The following BAZ2A variants were observed in gnomAD, a reference collection of about 807,000 sequenced individuals.
BAZ2A encodes bromodomain adjacent to zinc finger domain protein 2A.
A neutral mutation model predicts 199.9 loss-of-function variants in BAZ2A; 34 were observed. The ratio of observed to expected loss-of-function variants is 0.17; its 90% CI spans 0.13 to 0.23. The LOEUF is 0.23. Ranked by LOEUF, BAZ2A falls within the 10% of genes least tolerant of loss-of-function variation. The probability of loss-of-function intolerance (pLI) is 1.00; values close to 1 mark genes in which losing one functional copy is unlikely to be tolerated. For missense variants in BAZ2A, 2,002 were observed against 2,391.1 expected (o/e 0.84, Z 3.39); for synonymous variants, 857 against 883.9 (o/e 0.97, Z 0.54).
chr12:56,600,687 C>G lies in BAZ2A; in HGVS notation c.4596G>C (p.Gln1532His). Residue 1532 changes from glutamine (Q) to histidine (H), a missense_variant, in exon 23 of 29, where the codon CAG (glutamine) becomes CAC (histidine). Around this residue, in one of 6 missense-constraint regions of BAZ2A, gnomAD observed 1,081 missense variants for 1,274.7 expected, o/e 0.85. Transcript: ENST00000549884. ...AGTGCCAATCCCAGCATACCCGAATCTGCAGATCAGACATGATAACCCGCT... is the reference window on the plus strand; with the variant it reads ...AGTGCCAATCCCAGCATACCCGAATGTGCAGATCAGACATGATAACCCGCT... ...LEQRVIMSDL[Q>H]IRGWTCPSPD... 6.2e-7 allele frequency: 1 copy of G among 1,612,910 alleles called. No individual in the cohort carries two copies.
intron 19 of BAZ2A, among the ~76,000 whole-genome samples, chr12:56,602,412 T>C (rs1950207621): frequency 6.6e-6 from 1 of 152,204 alleles, no homozygotes; most frequent in African/African-American, 2.4e-5. Flanking sequence ...TAAGCTAACA[T>C]TTATTGCGAA....
chr12:56,600,472 G>T lies in BAZ2A; in HGVS notation c.4621C>A (p.Pro1541Thr). Residue 1541 changes from proline (P) to threonine (T), a missense_variant, in exon 24 of 29, where the codon CCA (proline) becomes ACA (threonine). This residue lies in a region of BAZ2A where 1,081 missense variants were observed against 1,274.7 expected (regional missense o/e 0.85). Coordinates refer to ENST00000549884, the MANE Select transcript of BAZ2A (RefSeq NM_001300905.2). Reference protein sequence around the residue: ...LQIRGWTCPSPDSTREDLAYC... With the variant: ...LQIRGWTCPSTDSTREDLAYC... ...GCCAAGTCTTCACGGGTAGAGTCTG[G>T]GCTAGGACATGTCCAGCCCTTCAGT... is the stretch of plus-strand genomic sequence containing the variant. 6 of 1,613,326 alleles carry T rather than the reference G, an allele frequency of 3.7e-6. No homozygotes were observed. Among genetic ancestry groups the T allele is most frequent in the Non-Finnish European group, 5.1e-6 (6 of 1,179,704 alleles).
chr12:56,607,940 C>T (rs958053613), intron 10 of BAZ2A, among the ~76,000 whole-genome samples: 3 of 151,680 alleles, frequency 2.0e-5, no homozygotes, highest in Non-Finnish European at 4.4e-5. Flanking sequence ...ATTAGCTGGG[C>T]GTGGTGGCAT....
In BAZ2A at chr12:56,613,247, T is replaced by G; in HGVS notation, c.917-14A>C. On this transcript the variant is annotated splice_polypyrimidine_tract_variant and intron_variant, in intron 4 of 28. Coordinates refer to ENST00000549884, the MANE Select transcript of BAZ2A (RefSeq NM_001300905.2). ...CACTCACTGGCTCTGTTTACAAGGG[T>G]AGAAAAATCAGAGCAGGATAATGAG... 6 of 1,610,866 alleles carry G rather than the reference T, an allele frequency of 3.7e-6. No individual in the cohort carries two copies. The South Asian group carries it at 4.4e-5, about 12-fold the overall frequency.
At chr12:56,604,138 T>G in intron 16 of BAZ2A, 79 bp downstream of exon 16, 1 of 1,401,640 alleles carries the variant, frequency 7.1e-7, no homozygotes, top group Non-Finnish European at 9.9e-7. Context: ...AGCATCACAT[T>G]TCAAGCCAAA....
At chr12:56,617,004 C>CA (rs1950744377) in intron 2 of BAZ2A, among the ~76,000 whole-genome samples, 1 of 152,158 alleles carries the variant, frequency 6.6e-6, no homozygotes, top group Admixed American at 6.5e-5. Context: ...CTCTGATGTA[C>CA]AAACTAAAAG....
rs148303515 is a variant in BAZ2A at position 56,603,727 on chromosome 12, G to A, written c.3039-27C>T. 18 of 1,612,574 alleles carry A rather than the reference G, an allele frequency of 1.1e-5. No homozygotes were observed. In the African/African-American group the frequency reaches 2.4e-4, roughly 21 times the overall value. ...TTGAAATAGATGGAGAAAGATTAAGGGAAGGCCAAGTGTGGTGGCTCACAC... is the reference window on the plus strand; with the variant it reads ...TTGAAATAGATGGAGAAAGATTAAGAGAAGGCCAAGTGTGGTGGCTCACAC... On this transcript the variant is annotated intron_variant, in intron 16 of 28. Coordinates refer to ENST00000549884, the MANE Select transcript of BAZ2A (RefSeq NM_001300905.2).
intron 1 of BAZ2A, among the ~76,000 whole-genome samples, chr12:56,621,562 C>A (rs1950921916): frequency 6.6e-6 from 1 of 152,014 alleles, no homozygotes; most frequent in Non-Finnish European, 1.5e-5. Flanking sequence ...ACTTGCTGGG[C>A]CTAAGTTTCA....
In BAZ2A at chr12:56,595,994, G is replaced by A. The variant is rs1885767167; in HGVS notation, c.*2624C>T. On this transcript the variant is annotated 3_prime_UTR_variant, in exon 29 of 29. Transcript: ENST00000549884. ...AGCACTTTTCTACAGCTGCACTTGT[G>A]GAACATCACATGGCAAAAACAGGAG... 1.3e-5 allele frequency: 2 copies of A among 152,606 alleles called. No individual in the cohort carries two copies. Among genetic ancestry groups the A allele is most frequent in the Admixed American group, 1.3e-4 (2 of 15,284 alleles). 9.5% of individuals were successfully genotyped at this position (152,606 alleles called of 1,614,324 possible).
At position 56,602,197 on chromosome 12, in the gene BAZ2A, A is replaced by G. The variant is rs1233007554; in HGVS notation, c.3425-5T>C. The G allele has an allele frequency of 6.4e-7, 1 of 1,559,358 alleles. No homozygotes were observed. Among genetic ancestry groups the G allele is most frequent in the East Asian group, 2.3e-5 (1 of 42,736 alleles). On this transcript the variant is annotated splice_region_variant and splice_polypyrimidine_tract_variant and intron_variant, in intron 19 of 28. Coordinates refer to ENST00000549884, the MANE Select transcript of BAZ2A (RefSeq NM_001300905.2). Reference sequence around the variant, plus strand: ...TCTTTATCACCTCCTCAGGAACTGTAAAGAGAAGTAAAGAGTTAAGCCATA... The same window carrying G: ...TCTTTATCACCTCCTCAGGAACTGTGAAGAGAAGTAAAGAGTTAAGCCATA...
At chr12:56,623,358 C>A (rs540967356) in intron 1 of BAZ2A, among the ~76,000 whole-genome samples, 4 of 152,284 alleles carry the variant, frequency 2.6e-5, no homozygotes, top group Non-Finnish European at 4.4e-5. Context: ...GGCTACCCCC[C>A]AGGACAACAA....
chr12:56,602,673 T>C (rs1950216070), intron 19 of BAZ2A, 40 bp downstream of exon 19: 7 of 1,591,766 alleles, frequency 4.4e-6, no homozygotes, highest in Non-Finnish European at 6.0e-6. Flanking sequence ...AATTCTTGTT[T>C]GATAGGACTC....
At chr12:56,617,338 C>T in intron 2 of BAZ2A, 57 bp downstream of exon 2, 1 of 1,404,684 alleles carries the variant, frequency 7.1e-7, no homozygotes, top group African/African-American at 1.5e-5. Context: ...CCCCATGAAT[C>T]TGCCCTAAAG....
Position 56,600,777 on chromosome 12 carries a change from C to G in BAZ2A, c.4506G>C (p.Trp1502Cys), listed in dbSNP as rs770023881. The G allele has an allele frequency of 1.2e-6, 2 of 1,613,884 alleles. No individual in the cohort carries two copies. The highest frequency in any genetic ancestry group is 2.7e-5 in the African/African-American group (2 of 75,024). ...TCTCGTATGTCTTCTCTTTGGGGGA[C>G]CAGCTCATAATCCCTTCTTGAAAGG... ...LPAFQEGIMS[W>C]SPKEKTYETD... The change falls in exon 23 of 29, where the codon TGG becomes TGC. Residue 1502 changes from tryptophan to cysteine, a missense_variant. Physicochemically the swap from Trp to Cys is radical, Grantham distance 215 (BLOSUM62 -2). Coordinates refer to ENST00000549884, the MANE Select transcript of BAZ2A (RefSeq NM_001300905.2).
chr12:56,630,256 G>C lies in BAZ2A; in HGVS notation c.-134C>G. ...GGAGGGGGTCTGGGGTCCGGGGTTC[G>C]GGAAGGGGGAGGGGGACGCGGCTCA... On this transcript the variant is annotated 5_prime_UTR_variant, in exon 1 of 29. Coordinates refer to ENST00000549884, the MANE Select transcript of BAZ2A (RefSeq NM_001300905.2). 5 of 983,398 alleles carry C rather than the reference G, an allele frequency of 5.1e-6. No homozygotes were observed. The highest frequency in any genetic ancestry group is 6.0e-6 in the Non-Finnish European group (5 of 827,996). The allele number at this position is 983,398 out of a possible 1,614,324, so 60.9% of individuals were successfully genotyped here. A position where few individuals can be genotyped will look rare whatever the true frequency, so the allele number is the denominator to read the frequency against.
At chr12:56,610,787 T>A (rs996193305) in intron 7 of BAZ2A, among the ~76,000 whole-genome samples, 1 of 152,070 alleles carries the variant, frequency 6.6e-6, no homozygotes, top group African/African-American at 2.4e-5. Context: ...ATCAGTGAGA[T>A]AAGCTGCCAG....
At chr12:56,630,042 T>C in intron 1 of BAZ2A, 83 bp downstream of exon 1, 2 of 902,484 alleles carry the variant, frequency 2.2e-6, no homozygotes, top group Non-Finnish European at 2.7e-6. Context: ...AAGCCGGCTC[T>C]GGAGCTTCTG....
chr12:56,603,452 A>T, intron 17 of BAZ2A, 34 bp from the exon 18 acceptor site: 1 of 1,613,860 alleles, frequency 6.2e-7, no homozygotes, highest in South Asian at 1.1e-5. Context: ...ATGAAAAAGG[A>T]GGTTATCAGA....
chr12:56,615,137 G>C lies in BAZ2A; in HGVS notation c.607C>G (p.Pro203Ala). ...ATACCACTGCCTACCTCCTGGGAGGGTGCAAAGGTTTGAATGCTAGATCCC... is the reference window on the plus strand; with the variant it reads ...ATACCACTGCCTACCTCCTGGGAGGCTGCAAAGGTTTGAATGCTAGATCCC... Reference protein sequence around the residue: ...MLGSSIQTFAPSQEVGSGIHP... With the variant: ...MLGSSIQTFAASQEVGSGIHP... Residue 203 changes from proline to alanine, a missense_variant, in exon 3 of 29, where the codon CCC (proline) becomes GCC (alanine). Coordinates refer to ENST00000549884, the MANE Select transcript of BAZ2A (RefSeq NM_001300905.2). The C allele has an allele frequency of 6.2e-7, 1 of 1,613,760 alleles. No homozygotes were observed. The highest frequency in any genetic ancestry group is 1.1e-5 in the South Asian group (1 of 91,022).
Sources: gnomAD v4.1 joint callset for allele counts (sites outside exome capture counted in the v4.1 genomes callset) on GRCh38, gnomAD v4.1.1 for gene constraint, gnomAD v4.1.1 regional missense constraint, MANE v1.5 for transcripts, NCBI Gene and HGNC (gene_info 2026-07-23, HGNC 2026-07-21) for gene names.